The following KMT2A variants were observed in gnomAD, a reference collection of about 807,000 sequenced individuals.
KMT2A encodes lysine methyltransferase 2A.
In KMT2A, 16 loss-of-function variants were observed where a neutral mutation model predicts 345.3. The observed-to-expected ratio is 0.05, with a 90% CI of 0.03 to 0.07. The LOEUF is 0.07. Among genes scored for constraint, KMT2A ranks in the 10% least tolerant of loss-of-function variants. KMT2A has a pLI of 1.00. For synonymous variants in KMT2A, 1,599 were observed against 1,778.6 expected, an observed-to-expected ratio of 0.90 and a Z score of 2.54; for missense variants, 3,272 against 4,841.6, an observed-to-expected ratio of 0.68 and a Z score of 9.62.
chr11:118,474,365 T>G, intron 3 of KMT2A, 50 bp downstream of exon 3: 1 of 1,569,208 alleles, frequency 6.4e-7, no homozygotes, highest in Non-Finnish European at 8.6e-7. Flanking sequence ...TTGAGCCCTT[T>G]CTATGGGCAA....
chr11:118,504,793 A>G lies in KMT2A; in HGVS notation c.8901A>G (p.Glu2967=), dbSNP rs537310820. The change falls in exon 27 of 36, where the codon GAA becomes GAG. Residue 2967 remains glutamate (E), a synonymous_variant. Coordinates refer to ENST00000534358, the MANE Select transcript of KMT2A (RefSeq NM_001197104.2). This position sits in a 1 kb window ranked among gnomAD's most constrained non-coding sequence, Gnocchi z 6.4. The stretch of plus-strand genomic sequence containing the variant: ...GGGAGAAGAGAGTAACCATCACAGA[A>G]AAATCTGTAGCCTCCTCTGAAAGTG... The part of the protein sequence containing the change: ...DSGEKRVTIT[E]KSVASSESDP... The G allele has an allele frequency of 6.2e-7, 1 of 1,614,088 alleles. No homozygotes were observed. The highest frequency in any genetic ancestry group is 1.1e-5 in the South Asian group (1 of 91,078).
chr11:118,497,861 G>A lies in KMT2A; in HGVS notation c.5665-75G>A. The A allele has an allele frequency of 8.5e-7, 1 of 1,173,188 alleles. No individual in the cohort carries two copies. Among genetic ancestry groups the A allele is most frequent in the Non-Finnish European group, 1.2e-6 (1 of 803,416 alleles). 72.7% of individuals were successfully genotyped at this position (1,173,188 alleles called of 1,614,324 possible). On this transcript the variant is annotated intron_variant, in intron 20 of 35. Coordinates refer to ENST00000534358, the MANE Select transcript of KMT2A (RefSeq NM_001197104.2). The surrounding 1 kb of genome is among the most constrained non-coding windows in gnomAD (Gnocchi z 4.8). ...TTGCTTTCTTGAGGTTATCTTCACT[G>A]GAAAAGCTAATGCCGAGGAAAACCT...
At chr11:118,468,424 G>A (rs192066946) in intron 1 of KMT2A, among the ~76,000 whole-genome samples, 2 of 152,258 alleles carry the variant, frequency 1.3e-5, no homozygotes, top group East Asian at 3.9e-4. Context: ...GGGGCTGTAT[G>A]TTTCTGCCAT....
At chr11:118,517,121 C>T (rs373584515) in intron 31 of KMT2A, among the ~76,000 whole-genome samples, 10 of 151,876 alleles carry the variant, frequency 6.6e-5, no homozygotes, top group African/African-American at 2.2e-4. Context: ...GCCAGCTGGG[C>T]GCGGTGGCTC....
rs782049489 is a variant in KMT2A, at chr11:118,504,250, C to T, written c.8358C>T (p.Cys2786=). 2 of 1,614,086 alleles carry T rather than the reference C, an allele frequency of 1.2e-6. No individual in the cohort carries two copies. The highest frequency in any genetic ancestry group is 2.2e-5 in the South Asian group (2 of 91,086). The part of the protein sequence containing the change: ...GHKNEPKMDN[C]HSVSRVKTQG... ...AAAATGAGCCAAAGATGGATAACTG[C>T]CATTCTGTAAGCAGAGTTAAAACAC... is the stretch of plus-strand genomic sequence containing the variant. The change falls in exon 27 of 36, where the codon TGC becomes TGT. Residue 2786 remains cysteine (C), a synonymous_variant. Coordinates refer to ENST00000534358, the MANE Select transcript of KMT2A (RefSeq NM_001197104.2). This position sits in a 1 kb window ranked among gnomAD's most constrained non-coding sequence, Gnocchi z 6.4.
At chr11:118,483,201 C>G (rs1350563184) in intron 8 of KMT2A, among the ~76,000 whole-genome samples, 1 of 147,810 alleles carries the variant, frequency 6.8e-6, no homozygotes, top group Non-Finnish European at 1.5e-5. Flanking sequence ...TCATTGCACT[C>G]TAGCCTGGAC....
Position 118,494,783 on chromosome 11 carries a change from A to G in KMT2A, c.5363+16A>G, listed in dbSNP as rs781847193. 1.9e-5 allele frequency: 31 copies of G among 1,604,464 alleles called. 1 individual carries two copies. The highest frequency in any genetic ancestry group is 1.3e-4 in the South Asian group (12 of 90,210). ...TATCAAGCAAGTAAGTGAATTTAGCATAACTTTTTTTTCTCCTCATCGGCT... is the reference window on the plus strand; with the variant it reads ...TATCAAGCAAGTAAGTGAATTTAGCGTAACTTTTTTTTCTCCTCATCGGCT... On this transcript the variant is annotated intron_variant, in intron 18 of 35. Transcript: ENST00000534358. The surrounding 1 kb of genome is among the most constrained non-coding windows in gnomAD (Gnocchi z 5.8).
intron 6 of KMT2A, among the ~76,000 whole-genome samples, chr11:118,480,611 A>T (rs982666566): frequency 3.3e-5 from 5 of 152,116 alleles, no homozygotes; most frequent in African/African-American, 1.2e-4. Context: ...TCTATTTTTT[A>T]AATGTATTTT....
At position 118,480,305 on chromosome 11, in the gene KMT2A, C is replaced by T. The variant is rs1555038890; in HGVS notation, c.3634+67C>T. 3 of 1,171,226 alleles carry T rather than the reference C, an allele frequency of 2.6e-6. No individual in the cohort carries two copies. In the African/African-American group the frequency reaches 4.6e-5, roughly 18 times the overall value. The allele number at this position is 1,171,226 out of a possible 1,614,324, so 72.6% of individuals were successfully genotyped here. A position where few individuals can be genotyped will look rare whatever the true frequency, so the allele number is the denominator to read the frequency against. On this transcript the variant is annotated intron_variant, in intron 6 of 35. Transcript: ENST00000534358. ...TAAATGGTGTATAGTTGTATACACC[C>T]AGTAGAAGAGAATACTTTTTTTTTT...
At position 118,503,679 on chromosome 11, in the gene KMT2A, T is replaced by C. The variant is rs781809969; in HGVS notation, c.7787T>C (p.Val2596Ala). The change falls in exon 27 of 36, where the codon GTA becomes GCA. Residue 2596 changes from valine (V) to alanine (A), a missense_variant. Coordinates refer to ENST00000534358, the MANE Select transcript of KMT2A (RefSeq NM_001197104.2). This position sits in a 1 kb window ranked among gnomAD's most constrained non-coding sequence, Gnocchi z 5.3. ...AGTAACAACTATCAGAATCTTCCAGTACAGGACAGAAACCTAATGCTTCCA... is the reference window on the plus strand; with the variant it reads ...AGTAACAACTATCAGAATCTTCCAGCACAGGACAGAAACCTAATGCTTCCA... ...SQSNNYQNLP[V>A]QDRNLMLPDG... The C allele has an allele frequency of 9.9e-5, 160 of 1,614,076 alleles. No homozygotes were observed. The highest frequency in any genetic ancestry group is 1.3e-4 in the Non-Finnish European group (148 of 1,180,030).
rs1555045788 is a variant in KMT2A, at chr11:118,501,810, A to T, written c.6458A>T (p.Tyr2153Phe). The change falls in exon 26 of 36, where the codon TAT becomes TTT. Residue 2153 changes from tyrosine (Y) to phenylalanine (F), a missense_variant. Tyr to Phe is a conservative substitution (Grantham distance 22, BLOSUM62 3). Coordinates refer to ENST00000534358, the MANE Select transcript of KMT2A (RefSeq NM_001197104.2). Reference sequence around the variant, plus strand: ...GTCCCCAGGATTCGAACACCCAGTTATTCTCCAACACAGAGATCCCCTGGC... The same window carrying T: ...GTCCCCAGGATTCGAACACCCAGTTTTTCTCCAACACAGAGATCCCCTGGC... ...SKVPRIRTPS[Y>F]SPTQRSPGCR... is the part of the protein sequence containing the mutation. 9.9e-6 allele frequency: 16 copies of T among 1,614,154 alleles called. No individual in the cohort carries two copies. Among genetic ancestry groups the T allele is most frequent in the Non-Finnish European group, 1.3e-5 (15 of 1,180,014 alleles).
At chr11:118,478,263 C>T (rs1950073079) in intron 5 of KMT2A, 62 bp downstream of exon 5, 2 of 1,278,894 alleles carry the variant, frequency 1.6e-6, no homozygotes, top group Non-Finnish European at 2.2e-6. Flanking sequence ...TTATTTATCC[C>T]TAGTTTGTTG....
At chr11:118,439,158 C>CAAAAAAAAAAAAAAAAAAAA in intron 1 of KMT2A, 3 of 265,450 alleles carry the variant, frequency 1.1e-5, no homozygotes, top group East Asian at 9.3e-5. Context: ...GATACAGCAG[C>CAAAAAAAAAAAAAAAAAAAA]AAAAAAAAAA....
At chr11:118,514,918 C>T (rs1315433437) in intron 31 of KMT2A, among the ~76,000 whole-genome samples, 7 of 152,238 alleles carry the variant, frequency 4.6e-5, no homozygotes, top group Non-Finnish European at 5.9e-5. Context: ...CAGGCGTGAG[C>T]CACCACGCCC....
intron 27 of KMT2A, among the ~76,000 whole-genome samples, chr11:118,506,997 T>A (rs1016688617): frequency 1.3e-5 from 2 of 152,204 alleles, no homozygotes; most frequent in Non-Finnish European, 2.9e-5. Flanking sequence ...GTCCTTTTTT[T>A]AAAACTTTAT....
chr11:118,449,090 A>G (rs768785037), intron 1 of KMT2A: 1 of 152,114 alleles, frequency 6.6e-6, no homozygotes, highest in Non-Finnish European at 1.5e-5. Context: ...AATACCAGGG[A>G]CTTTCTTTTT....
chr11:118,520,939 T>C lies in KMT2A; in HGVS notation c.11513+54T>C, dbSNP rs2135290567. On this transcript the variant is annotated intron_variant, in intron 34 of 35. Coordinates refer to ENST00000534358, the MANE Select transcript of KMT2A (RefSeq NM_001197104.2). This position sits in a 1 kb window ranked among gnomAD's most constrained non-coding sequence, Gnocchi z 4.3. The stretch of plus-strand genomic sequence containing the variant: ...AGAAAACGAATGCAGTTTTTCAAAA[T>C]CAAAGCAGACCAAATGCTGGAGTGA... The C allele has an allele frequency of 1.4e-6, 2 of 1,383,758 alleles. No homozygotes were observed. Among genetic ancestry groups the C allele is most frequent in the Non-Finnish European group, 2.1e-6 (2 of 971,328 alleles). The allele number at this position is 1,383,758 out of a possible 1,614,324, so 85.7% of individuals were successfully genotyped here. A position where few individuals can be genotyped will look rare whatever the true frequency, so the allele number is the denominator to read the frequency against.
In KMT2A at chr11:118,503,838, C is replaced by T; in HGVS notation, c.7946C>T (p.Pro2649Leu). The change falls in exon 27 of 36, where the codon CCA becomes CTA. Residue 2649 changes from proline (P) to leucine (L), a missense_variant. Physicochemically the swap from Pro to Leu is moderately conservative, Grantham distance 98. This residue lies in a region of KMT2A where 21 missense variants were observed against 74.6 expected (regional missense o/e 0.28). Transcript: ENST00000534358. The surrounding 1 kb of genome is among the most constrained non-coding windows in gnomAD (Gnocchi z 5.3). ...GVRSYGEEDI[P>L]FYSSSTGKKR... The stretch of plus-strand genomic sequence containing the variant: ...AGATCCTATGGTGAAGAAGACATTC[C>T]ATTCTACAGCAGCTCAACTGGGAAG... The T allele has an allele frequency of 6.2e-7, 1 of 1,614,200 alleles. No homozygotes were observed. Among genetic ancestry groups the T allele is most frequent in the South Asian group, 1.1e-5 (1 of 91,090 alleles).
Position 118,520,106 on chromosome 11 carries a change from C to T in KMT2A, c.11429+42C>T, listed in dbSNP as rs782134894. 7.6e-7 allele frequency: 1 copy of T among 1,317,992 alleles called. No individual in the cohort carries two copies. Among genetic ancestry groups the T allele is most frequent in the Non-Finnish European group, 1.1e-6 (1 of 915,856 alleles). The allele number at this position is 1,317,992 out of a possible 1,614,324, so 81.6% of individuals were successfully genotyped here. ...GAGCAGTCATTAGAAACTGCTTTCC[C>T]TCTCCTCCAGCTGGTCAGGGCACTA... On this transcript the variant is annotated intron_variant, in intron 33 of 35. Coordinates refer to ENST00000534358, the MANE Select transcript of KMT2A (RefSeq NM_001197104.2). The surrounding 1 kb of genome is among the most constrained non-coding windows in gnomAD (Gnocchi z 4.3).
Sources: allele counts gnomAD v4.1 joint callset (sites outside exome capture counted in the v4.1 genomes callset), GRCh38; gene constraint gnomAD v4.1.1; regional missense constraint gnomAD v4.1.1; non-coding constraint Gnocchi (gnomAD v3.1); transcripts MANE v1.5; gene names NCBI Gene and HGNC (gene_info 2026-07-23, HGNC 2026-07-21).